The following LIN54 variants were observed in gnomAD, a reference collection of about 807,000 sequenced individuals.
The protein encoded by LIN54 is protein lin-54 homolog.
In LIN54, 9 loss-of-function variants were observed where a neutral mutation model predicts 78.7. The ratio of observed to expected loss-of-function variants is 0.11; its 90% CI spans 0.07 to 0.20. LIN54 has a LOEUF of 0.20. LIN54 is among the 10% of genes least tolerant of loss of function. LIN54 has a pLI of 1.00. For missense variants in LIN54, 573 were observed against 889.9 expected (o/e 0.64, Z 4.53); for synonymous variants, 269 against 318.4 (o/e 0.84, Z 1.65).
At chr4:82,998,021 TA>T (rs1272502940) in intron 1 of LIN54, among the ~76,000 whole-genome samples, 2 of 106,558 alleles carry the variant, frequency 1.9e-5, no homozygotes, top group African/African-American at 7.5e-5. Context: ...AATATATATA[TA>T]ATAATATATA....
chr4:82,956,049 C>A (rs1293384138), intron 4 of LIN54, among the ~76,000 whole-genome samples: 1 of 152,126 alleles, frequency 6.6e-6, no homozygotes, highest in Non-Finnish European at 1.5e-5. Context: ...GCAACCTCCA[C>A]CTCCTGGGTT....
At chr4:83,001,909 G>A (rs865971455) in intron 1 of LIN54, among the ~76,000 whole-genome samples, 4 of 1,240 alleles carry the variant, frequency 3.2e-3, no homozygotes, top group Non-Finnish European at 9.3e-3. Flanking sequence ...GAGGGAGGGA[G>A]GGAGGGAGGG....
intron 4 of LIN54, among the ~76,000 whole-genome samples, chr4:82,965,042 A>T (rs1050796221): frequency 6.6e-6 from 1 of 152,166 alleles, no homozygotes; most frequent in African/African-American, 2.4e-5. Context: ...AATTTTTTTT[A>T]AAGAAAAATT....
chr4:83,004,196 G>A (rs1230341386), intron 1 of LIN54, among the ~76,000 whole-genome samples: 1 of 151,968 alleles, frequency 6.6e-6, no homozygotes, highest in East Asian at 1.9e-4. Context: ...AGGAGTTTGA[G>A]ACCAGCCTGG....
At chr4:82,981,598 T>C (rs1726645335) in intron 2 of LIN54, among the ~76,000 whole-genome samples, 1 of 152,206 alleles carries the variant, frequency 6.6e-6, no homozygotes, top group African/African-American at 2.4e-5. Context: ...TTCAGAGCTT[T>C]GAGGTTACTT....
Position 82,984,641 on chromosome 4 carries a change from C to T in LIN54, c.204G>A (p.Val68=). The change falls in exon 2 of 13, where the codon GTG becomes GTA. Residue 68 remains valine, a synonymous_variant. Transcript: ENST00000340417. ...CAACTTGGTTAGTGTGGTTACTGTA[C>T]ACTGTGATTGGTTCCGTGGAAATGG... The part of the protein sequence containing the change: ...ATPISTEPIT[V]YSNHTNQVAV... 1 of 1,614,160 alleles carries T rather than the reference C, an allele frequency of 6.2e-7. No individual in the cohort carries two copies. Among genetic ancestry groups the T allele is most frequent in the Non-Finnish European group, 8.5e-7 (1 of 1,180,028 alleles).
At chr4:82,985,364 T>C (rs1403996993) in intron 1 of LIN54, among the ~76,000 whole-genome samples, 2 of 152,236 alleles carry the variant, frequency 1.3e-5, no homozygotes, top group Non-Finnish European at 2.9e-5. Context: ...TACTATCCCA[T>C]TTTAAAAATC....
At chr4:82,990,407 CAG>C (rs1389377223) in intron 1 of LIN54, among the ~76,000 whole-genome samples, 1 of 152,160 alleles carries the variant, frequency 6.6e-6, no homozygotes, top group East Asian at 1.9e-4. Context: ...AGGGAAGACA[CAG>C]GGGGGTCCAG....
chr4:83,006,880 C>A (rs1007591008), intron 1 of LIN54, among the ~76,000 whole-genome samples: 1 of 152,198 alleles, frequency 6.6e-6, no homozygotes, highest in Non-Finnish European at 1.5e-5. Flanking sequence ...TGGCTCACAT[C>A]GGTAATCCTA....
chr4:83,002,148 C>A (rs1728899735), intron 1 of LIN54, among the ~76,000 whole-genome samples: 1 of 151,026 alleles, frequency 6.6e-6, no homozygotes, highest in Non-Finnish European at 1.5e-5. Context: ...TTATTCAAGA[C>A]TGCTTTTGAA....
intron 1 of LIN54, among the ~76,000 whole-genome samples, chr4:82,998,517 C>T (rs1227390126): frequency 6.8e-6 from 1 of 146,608 alleles, no homozygotes; most frequent in East Asian, 2.0e-4. Context: ...ACTCGGGCGA[C>T]GGTGCGAGAC....
chr4:83,010,843 C>CACCCCCA, upstream of LIN54: 1 of 1,227,196 alleles, frequency 8.1e-7, no homozygotes, highest in Admixed American at 4.2e-5. Flanking sequence ...CTTCCTCCTC[C>CACCCCCA]TCCCCTCCCC....
intron 5 of LIN54, among the ~76,000 whole-genome samples, chr4:82,944,471 G>C (rs1039242667): frequency 6.6e-6 from 1 of 151,932 alleles, no homozygotes; most frequent in African/African-American, 2.4e-5. Flanking sequence ...GACTCCCTTA[G>C]TCAACAATAT....
At chr4:82,971,305 T>C (rs1451504044) in intron 3 of LIN54, among the ~76,000 whole-genome samples, 4 of 152,176 alleles carry the variant, frequency 2.6e-5, no homozygotes, top group Non-Finnish European at 2.9e-5. Context: ...GTTAGAGTCA[T>C]GTCACTACTC....
intron 1 of LIN54, among the ~76,000 whole-genome samples, chr4:82,996,681 G>C (rs949391363): frequency 2.0e-5 from 3 of 151,936 alleles, no homozygotes; most frequent in African/African-American, 4.8e-5. Context: ...TGGAATTACA[G>C]GCTTGAGCCA....
chr4:82,970,514 A>C, intron 3 of LIN54, 45 bp from the exon 4 acceptor site: 1 of 1,559,964 alleles, frequency 6.4e-7, no homozygotes, highest in South Asian at 1.2e-5. Context: ...TTTCAATAAT[A>C]GTATAAAAAT....
At chr4:82,947,237 T>TATATATATATATATATA (rs1560733573) in intron 4 of LIN54, among the ~76,000 whole-genome samples, 8 of 22,938 alleles carry the variant, frequency 3.5e-4, no homozygotes, top group African/African-American at 1.0e-3. Context: ...ATATATATAT[T>TATATATATATATATATA]TTTTTTTTTT....
intron 11 of LIN54, among the ~76,000 whole-genome samples, chr4:82,934,956 G>C (rs1177651858): frequency 1.3e-5 from 2 of 152,068 alleles, no homozygotes; most frequent in African/African-American, 2.4e-5. Context: ...GATTTATATG[G>C]CATTTGTCAG....
rs1578467344 is a variant in LIN54, at chr4:82,926,264, T to C, written c.*1838A>G. ...TATTGCAATCTTTTGAAAAATAACT[T>C]GATTATTATTTTACCCTCTTACACT... On this transcript the variant is annotated 3_prime_UTR_variant, in exon 13 of 13. Coordinates refer to ENST00000340417, the MANE Select transcript of LIN54 (RefSeq NM_194282.4). 2.0e-5 allele frequency: 3 copies of C among 152,630 alleles called. No homozygotes were observed. In the East Asian group the frequency reaches 5.8e-4, roughly 29 times the overall value. 9.5% of individuals were successfully genotyped at this position (152,630 alleles called of 1,614,324 possible).
Sources: gnomAD v4.1 joint callset for allele counts (sites outside exome capture counted in the v4.1 genomes callset) on GRCh38, gnomAD v4.1.1 for gene constraint, MANE v1.5 for transcripts, NCBI Gene and HGNC (gene_info 2026-07-23, HGNC 2026-07-21) for gene names.